ANK1: variants seen among roughly 807,000 people sequenced by gnomAD.
ANK1 encodes ankyrin 1.
A neutral mutation model predicts 210.4 loss-of-function variants in ANK1; 51 were observed. The observed-to-expected ratio is 0.24, with a 90% CI of 0.19 to 0.31. The LOEUF is 0.31. Ranked by LOEUF, ANK1 falls within the 10% of genes least tolerant of loss-of-function variation. The pLI, the probability that ANK1 is intolerant of heterozygous loss-of-function variation, is 1.00. For missense variants in ANK1, 2,051 were observed against 2,504.4 expected (o/e 0.82, Z 3.86); for synonymous variants, 967 against 1,025.9 (o/e 0.94, Z 1.10).
At chr8:41,768,969 C>A (rs1446088676) in intron 1 of ANK1, among the ~76,000 whole-genome samples, 1 of 151,944 alleles carries the variant, frequency 6.6e-6, no homozygotes, top group Non-Finnish European at 1.5e-5. Context: ...GAGACCCTGT[C>A]TCTAAAAAAA....
Position 41,734,021 on chromosome 8 carries a change from T to C in ANK1, c.178A>G (p.Met60Val). 1.2e-6 allele frequency: 2 copies of C among 1,614,212 alleles called. No individual in the cohort carries two copies. Among genetic ancestry groups the C allele is most frequent in the Non-Finnish European group, 1.7e-6 (2 of 1,180,020 alleles). Residue 60 changes from methionine (M) to valine (V), a missense_variant, in exon 3 of 43, where the codon ATG becomes GTG. Met to Val is a conservative substitution (Grantham distance 21). Coordinates refer to ENST00000289734, the MANE Select transcript of ANK1 (RefSeq NM_000037.4). Reference sequence around the variant, plus strand: ...TCTTTGTGCAGAAGTTCAACCACCATTTTCACATGGCCTTCCTTAGAAGCC... The same window carrying C: ...TCTTTGTGCAGAAGTTCAACCACCACTTTCACATGGCCTTCCTTAGAAGCC... ...HLASKEGHVK[M>V]VVELLHKEII...
intron 22 of ANK1, 21 bp from the exon 23 acceptor site, chr8:41,699,569 G>T: frequency 6.2e-7 from 1 of 1,607,808 alleles, no homozygotes. Context: ...AAGAGCTCAA[G>T]TGAGCGACGG....
rs780388955 is a variant in ANK1 at position 41,696,691 on chromosome 8, C to A, written c.2720G>T (p.Ser907Ile). 6.2e-6 allele frequency: 10 copies of A among 1,603,742 alleles called. No individual in the cohort carries two copies. Among genetic ancestry groups the A allele is most frequent in the Non-Finnish European group, 8.5e-6 (10 of 1,179,920 alleles). Residue 907 changes from serine to isoleucine, a missense_variant, in exon 25 of 43, where the codon AGC (serine) becomes ATC (isoleucine). Ser to Ile is a moderately radical substitution (Grantham distance 142). Coordinates refer to ENST00000289734, the MANE Select transcript of ANK1 (RefSeq NM_000037.4). ...ETSDNISPVASPVHTGFLVSF... is the reference protein window; with the variant it reads ...ETSDNISPVAIPVHTGFLVSF... ...CGCCACTCACCCTGTATGCACCGGG[C>A]TGGCCACCGGGCTGATGTTGTCTGA...
intron 1 of ANK1, among the ~76,000 whole-genome samples, chr8:41,838,832 T>C (rs562875125): frequency 2.5e-4 from 37 of 150,126 alleles, no homozygotes; most frequent in African/African-American, 8.4e-4. Flanking sequence ...ATCCTAACAC[T>C]TTGGGAGGCC....
chr8:41,774,448 A>G (rs999561744), intron 1 of ANK1, among the ~76,000 whole-genome samples: 1 of 152,192 alleles, frequency 6.6e-6, no homozygotes, highest in African/African-American at 2.4e-5. Context: ...CTGTAGAAAC[A>G]GCCTGGGGAC....
At chr8:41,732,879 A>T (rs1832560248) in intron 3 of ANK1, among the ~76,000 whole-genome samples, 1 of 152,120 alleles carries the variant, frequency 6.6e-6, no homozygotes, top group South Asian at 2.1e-4. Flanking sequence ...CTGGGATTAC[A>T]GGCGCCCGCC....
intron 1 of ANK1, among the ~76,000 whole-genome samples, chr8:41,820,405 A>C (rs1199298059): frequency 6.8e-6 from 1 of 147,176 alleles, no homozygotes; most frequent in Non-Finnish European, 1.5e-5. Context: ...TATGCTGCTT[A>C]GGCTGGTCGC....
At chr8:41,750,443 C>G (rs1301020162) in intron 2 of ANK1, among the ~76,000 whole-genome samples, 1 of 152,206 alleles carries the variant, frequency 6.6e-6, no homozygotes, top group East Asian at 1.9e-4. Flanking sequence ...GCTCATTATC[C>G]TAAGTATGCA....
intron 2 of ANK1, among the ~76,000 whole-genome samples, chr8:41,735,864 G>A (rs1468001760): frequency 1.3e-5 from 2 of 152,138 alleles, no homozygotes; most frequent in African/African-American, 4.8e-5. Flanking sequence ...TGAGAAGGGG[G>A]GCTGCAAAGG....
chr8:41,688,050 C>T (rs890179119), intron 35 of ANK1, 106 bp downstream of exon 35: 32 of 1,327,620 alleles, frequency 2.4e-5, no homozygotes, highest in South Asian at 1.1e-4. Context: ...AGATAACCCA[C>T]GGGTGATAAA....
rs58196949 is a variant in ANK1, at chr8:41,703,450, A to ATT, written c.2295+589_2295+590dup. Among the ~76,000 whole-genome samples the ATT allele has an allele frequency of 1.3e-3, 78 of 58,810 alleles. 1 individual carries two copies. Among genetic ancestry groups the ATT allele is most frequent in the Middle Eastern group, 0.01 (1 of 100 alleles). The allele number at this position is 58,810 out of a possible 152,430, so 38.6% of individuals were successfully genotyped here. A position where few individuals can be genotyped will look rare whatever the true frequency, so the allele number is the denominator to read the frequency against. On this transcript the variant is annotated intron_variant, in intron 20 of 42. Coordinates refer to ENST00000289734, the MANE Select transcript of ANK1 (RefSeq NM_000037.4). ...TATATATATATATATATATATATAT[A>ATT]TTTTTTTTTTTTTTTTAAGACACAA... is the stretch of plus-strand genomic sequence containing the variant.
chr8:41,758,984 GC>G (rs1839835019), intron 1 of ANK1, among the ~76,000 whole-genome samples: 1 of 151,990 alleles, frequency 6.6e-6, no homozygotes. Flanking sequence ...TCCTGCCCCG[GC>G]CTCTGAAAGT....
At chr8:41,776,126 C>A (rs1843975990) in intron 1 of ANK1, among the ~76,000 whole-genome samples, 1 of 152,142 alleles carries the variant, frequency 6.6e-6, no homozygotes, top group South Asian at 2.1e-4. Context: ...TGGCCCTGGG[C>A]TTTGCACCAT....
intron 1 of ANK1, among the ~76,000 whole-genome samples, chr8:41,844,105 T>C (rs112520134): frequency 0.011 from 1,668 of 152,302 alleles, 32 homozygotes; most frequent in African/African-American, 0.038. Context: ...ACTCCTGGCC[T>C]CAAGCAATCC....
At chr8:41,755,186 T>TA (rs1488455786) in intron 2 of ANK1, among the ~76,000 whole-genome samples, 2 of 152,190 alleles carry the variant, frequency 1.3e-5, no homozygotes, top group Admixed American at 6.5e-5. Flanking sequence ...GTGCAAATAA[T>TA]ACCTCGGTGC....
At chr8:41,830,063 C>T (rs1806317184) in intron 1 of ANK1, 1 of 151,194 alleles carries the variant, frequency 6.6e-6, no homozygotes, top group African/African-American at 2.4e-5. Context: ...AGAGCAAGTA[C>T]TAAATAATGA....
At chr8:41,873,416 C>A (rs1192470512) in intron 1 of ANK1, among the ~76,000 whole-genome samples, 2 of 152,210 alleles carry the variant, frequency 1.3e-5, no homozygotes, top group Non-Finnish European at 2.9e-5. Context: ...ACAGGCACAT[C>A]CCATTCACAA....
intron 31 of ANK1, 103 bp from the exon 32 acceptor site, chr8:41,690,702 A>T: frequency 3.3e-6 from 5 of 1,502,732 alleles, no homozygotes; most frequent in Non-Finnish European, 4.6e-6. Context: ...ACCCTGCCTC[A>T]GCAAGAGGCA....
At chr8:41,745,946 C>A (rs1240499021) in intron 2 of ANK1, among the ~76,000 whole-genome samples, 1 of 152,224 alleles carries the variant, frequency 6.6e-6, no homozygotes, top group African/African-American at 2.4e-5. Context: ...TGGTCTTGAA[C>A]TCCTGGGCTC....
Sources: allele counts gnomAD v4.1 joint callset (sites outside exome capture counted in the v4.1 genomes callset), GRCh38; gene constraint gnomAD v4.1.1; transcripts MANE v1.5; gene names NCBI Gene and HGNC (gene_info 2026-07-23, HGNC 2026-07-21).